TENM3: variants seen among roughly 807,000 people sequenced by gnomAD.
TENM3 encodes teneurin transmembrane protein 3.
In TENM3, 63 loss-of-function variants were observed where a neutral mutation model predicts 255.1. The ratio of observed to expected loss-of-function variants is 0.25; its 90% CI spans 0.20 to 0.30. The LOEUF is 0.30. Ranked by LOEUF, TENM3 falls within the 10% of genes least tolerant of loss-of-function variation. TENM3 has a pLI of 1.00. For synonymous variants in TENM3, 1,306 were observed against 1,322.3 expected, an observed-to-expected ratio of 0.99 and a Z score of 0.27; for missense variants, 2,929 against 3,461.1, an observed-to-expected ratio of 0.85 and a Z score of 3.86.
chr4:182,656,860 A>T (rs1753798498), intron 6 of TENM3, among the ~76,000 whole-genome samples: 1 of 152,192 alleles, frequency 6.6e-6, no homozygotes, highest in Non-Finnish European at 1.5e-5. Flanking sequence ...AGTATCTAAA[A>T]GAAGGATTTC....
the TENM3 span, among the ~76,000 whole-genome samples, chr4:182,072,783 T>C: frequency 1.3e-5 from 2 of 152,166 alleles, no homozygotes; most frequent in African/African-American, 4.8e-5. Context: ...CATCTCATTT[T>C]CCTCCATCTC....
intron 1 of TENM3, among the ~76,000 whole-genome samples, chr4:182,319,350 C>G (rs1762916471): frequency 6.6e-6 from 1 of 152,200 alleles, no homozygotes; most frequent in African/African-American, 2.4e-5. Flanking sequence ...CTTTTGAAGT[C>G]ATATTGAACT....
the TENM3 span, among the ~76,000 whole-genome samples, chr4:181,483,920 T>C: frequency 2.0e-5 from 3 of 152,160 alleles, no homozygotes; most frequent in Non-Finnish European, 4.4e-5. Flanking sequence ...TCCTTACAGT[T>C]TTTTAGTCTA....
chr4:181,454,943 GT>G, the TENM3 span, among the ~76,000 whole-genome samples: 1 of 151,880 alleles, frequency 6.6e-6, no homozygotes, highest in Admixed American at 6.6e-5. Flanking sequence ...CTAAGAACAG[GT>G]TTCTCAGAAC....
At chr4:182,689,029 T>C (rs558305210) in intron 12 of TENM3, among the ~76,000 whole-genome samples, 1 of 152,318 alleles carries the variant, frequency 6.6e-6, no homozygotes, top group East Asian at 1.9e-4. Context: ...TACAAAAGTA[T>C]CCAAAACATA....
rs549470396 is a variant in TENM3 at position 182,383,884 on chromosome 4, C to T, written c.511+36955C>T. On this transcript the variant is annotated intron_variant, in intron 3 of 27. Coordinates refer to ENST00000511685, the MANE Select transcript of TENM3 (RefSeq NM_001080477.4). ...CAACCAACTCACCTTCAACAAGCAG[C>T]GGTTCTACCCTAAGAATGGATACAT... Among the ~76,000 whole-genome samples the T allele has an allele frequency of 7.2e-5, 11 of 152,324 alleles. 1 individual carries two copies. The highest frequency in any genetic ancestry group is 6.2e-4 in the South Asian group (3 of 4,818).
chr4:181,840,087 C>T, the TENM3 span, among the ~76,000 whole-genome samples: 1 of 151,846 alleles, frequency 6.6e-6, no homozygotes, highest in African/African-American at 2.4e-5. Context: ...TTTTTATTGC[C>T]TTTTGTCTCA....
Position 182,421,788 on chromosome 4 carries a change from A to G in TENM3, c.511+74859A>G, listed in dbSNP as rs1298184949. Among the ~76,000 whole-genome samples the G allele has an allele frequency of 2.9e-4, 44 of 152,236 alleles. 1 individual carries two copies. The highest frequency in any genetic ancestry group is 2.7e-3 in the Admixed American group (42 of 15,282). On this transcript the variant is annotated intron_variant, in intron 3 of 27. Coordinates refer to ENST00000511685, the MANE Select transcript of TENM3 (RefSeq NM_001080477.4). ...AAATGCTGTCTAATCAATAAGGAAT[A>G]TTCAATTCTTGATTTGCAACTTAGT...
chr4:182,629,456 T>C (rs956909525), intron 5 of TENM3, among the ~76,000 whole-genome samples: 1 of 152,248 alleles, frequency 6.6e-6, no homozygotes, highest in Non-Finnish European at 1.5e-5. Flanking sequence ...ATCATGTTTT[T>C]CATTTGATAG....
At chr4:182,043,251 G>A in the TENM3 span, among the ~76,000 whole-genome samples, 10 of 152,008 alleles carry the variant, frequency 6.6e-5, no homozygotes, top group Non-Finnish European at 1.3e-4. Flanking sequence ...TGCCATCTTC[G>A]GTATACAGGG....
intron 3 of TENM3, among the ~76,000 whole-genome samples, chr4:182,486,769 G>T (rs1734780231): frequency 1.3e-5 from 2 of 152,198 alleles, no homozygotes; most frequent in Admixed American, 1.3e-4. Flanking sequence ...GGTCCAGATT[G>T]TCTTATTGTA....
intron 3 of TENM3, among the ~76,000 whole-genome samples, chr4:182,496,757 A>C (rs1013331342): frequency 1.3e-5 from 2 of 152,204 alleles, no homozygotes; most frequent in Non-Finnish European, 2.9e-5. Flanking sequence ...ACGATTTATC[A>C]TAAAAACCTG....
chr4:181,656,394 A>C, the TENM3 span, among the ~76,000 whole-genome samples: 14 of 152,332 alleles, frequency 9.2e-5, no homozygotes, highest in African/African-American at 3.4e-4. Flanking sequence ...TGTAGCCAGC[A>C]TTGTAAATAA....
At chr4:182,476,345 A>G (rs1295069837) in intron 3 of TENM3, among the ~76,000 whole-genome samples, 1 of 152,122 alleles carries the variant, frequency 6.6e-6, no homozygotes, top group African/African-American at 2.4e-5. Context: ...TATGACTTTT[A>G]ATTGTTTGGG....
chr4:182,200,098 A>G (rs540718398), intron 1 of TENM3, among the ~76,000 whole-genome samples: 1 of 152,296 alleles, frequency 6.6e-6, no homozygotes, highest in East Asian at 1.9e-4. Flanking sequence ...AAAAATTTAT[A>G]TTAAACAGAC....
chr4:181,611,092 C>G, the TENM3 span, among the ~76,000 whole-genome samples: 2 of 152,134 alleles, frequency 1.3e-5, no homozygotes, highest in Admixed American at 1.3e-4. Flanking sequence ...TGCTAAGGAA[C>G]ATGTTGTGCC....
chr4:182,304,261 G>A (rs1762005727), intron 1 of TENM3, among the ~76,000 whole-genome samples: 1 of 151,866 alleles, frequency 6.6e-6, no homozygotes, highest in Non-Finnish European at 1.5e-5. Context: ...TGCCCAGGCT[G>A]GAGTGCAGTG....
intron 1 of TENM3, among the ~76,000 whole-genome samples, chr4:182,152,437 A>G (rs1750409698): frequency 6.6e-6 from 1 of 151,958 alleles, no homozygotes; most frequent in Non-Finnish European, 1.5e-5. Context: ...CCTTACTTTT[A>G]GAATAATTTT....
intron 3 of TENM3, among the ~76,000 whole-genome samples, chr4:182,405,122 T>A (rs944236241): frequency 6.6e-6 from 1 of 152,102 alleles, no homozygotes; most frequent in Non-Finnish European, 1.5e-5. Context: ...GTATTAGGCG[T>A]CATTACTCAC....
Sources: gnomAD v4.1 joint callset for allele counts (sites outside exome capture counted in the v4.1 genomes callset) on GRCh38, gnomAD v4.1.1 for gene constraint, MANE v1.5 for transcripts, NCBI Gene and HGNC (gene_info 2026-07-23, HGNC 2026-07-21) for gene names.